The following NUDT17 variants were observed in gnomAD, a reference collection of about 807,000 sequenced individuals.
The protein encoded by NUDT17 is nudix hydrolase 17.
NUDT17 carries 38 observed loss-of-function variants against 38.6 expected under a neutral mutation model. That is an observed-to-expected ratio of 0.98 (90% CI 0.76 to 1.29). The LOEUF (loss-of-function observed/expected upper bound fraction) is 1.29. Among genes scored for constraint, NUDT17 ranks in the 50% most tolerant of loss-of-function variants. The pLI, the probability that NUDT17 is intolerant of heterozygous loss-of-function variation, is 0.00. For synonymous variants in NUDT17, 192 were observed against 167.8 expected (o/e 1.14, Z -1.11); for missense variants, 462 against 415.2 (o/e 1.11, Z -0.98).
At position 145,848,446 on chromosome 1, in the gene NUDT17, C is replaced by T. The variant is rs1553733298; in HGVS notation, c.954C>T (p.Asp318=). 5.0e-6 allele frequency: 8 copies of T among 1,613,966 alleles called. No homozygotes were observed. Among genetic ancestry groups the T allele is most frequent in the Admixed American group, 3.3e-5 (2 of 60,002 alleles). ...PGPAKEEWNM[D]PLPPNQGSGK is the part of the protein sequence containing the mutation. ...CAGCAAAGGAAGAATGGAACATGGA[C>T]CCTCTTCCCCCAAACCAGGGGTCTG... Residue 318 remains aspartate, a synonymous_variant, in exon 8 of 8, where the codon GAC becomes GAT. Coordinates refer to ENST00000334513, the MANE Select transcript of NUDT17 (RefSeq NM_001012758.3).
At position 145,846,717 on chromosome 1, in the gene NUDT17, C is replaced by T. The variant is rs964769810; in HGVS notation, c.495+27C>T. On this transcript the variant is annotated intron_variant, in intron 4 of 7. Coordinates refer to ENST00000334513, the MANE Select transcript of NUDT17 (RefSeq NM_001012758.3). ...TGAGACAAGTAGCTGGGAGAAGCTCCTCCATAGATCAGCCCCTACCTGCCT... is the reference window on the plus strand; with the variant it reads ...TGAGACAAGTAGCTGGGAGAAGCTCTTCCATAGATCAGCCCCTACCTGCCT... 3 of 1,475,594 alleles carry T rather than the reference C, an allele frequency of 2.0e-6. No homozygotes were observed. The African/African-American group carries it at 4.2e-5, about 20-fold the overall frequency. 91.4% of individuals were successfully genotyped at this position (1,475,594 alleles called of 1,614,324 possible). A position where few individuals can be genotyped will look rare whatever the true frequency, so the allele number is the denominator to read the frequency against.
Position 145,848,278 on chromosome 1 carries a change from A to C in NUDT17, c.884+14A>C. The stretch of plus-strand genomic sequence containing the variant: ...ACATCTGGGCAGGTAAAAGTGAAAA[A>C]GGACTGGAGAGCTCCACAGTACTGG... On this transcript the variant is annotated intron_variant, in intron 7 of 7. Transcript: ENST00000334513. The C allele has an allele frequency of 6.2e-7, 1 of 1,614,022 alleles. No individual in the cohort carries two copies. Among genetic ancestry groups the C allele is most frequent in the Non-Finnish European group, 8.5e-7 (1 of 1,179,866 alleles).
At position 145,847,666 on chromosome 1, in the gene NUDT17, G is replaced by C; in HGVS notation, c.678G>C (p.Glu226Asp). Residue 226 changes from glutamate to aspartate, a missense_variant, in exon 6 of 8, where the codon GAG (glutamate) becomes GAC (aspartate). Transcript: ENST00000334513. ...PDVAAAVAAA[E>D]DGTETPGLLP... ...TAGCTGCTGCAGTGGCTGCCGCAGA[G>C]GATGGGACAGAGACACCCGGACTTC... The C allele has an allele frequency of 6.2e-7, 1 of 1,614,086 alleles. No homozygotes were observed. Among genetic ancestry groups the C allele is most frequent in the Non-Finnish European group, 8.5e-7 (1 of 1,179,988 alleles).
rs782362864 is a variant in NUDT17 at position 145,847,575 on chromosome 1, G to A, written c.595-8G>A. 6.2e-7 allele frequency: 1 copy of A among 1,612,504 alleles called. No individual in the cohort carries two copies. Among genetic ancestry groups the A allele is most frequent in the South Asian group, 1.1e-5 (1 of 91,042 alleles). On this transcript the variant is annotated splice_region_variant and splice_polypyrimidine_tract_variant and intron_variant, in intron 5 of 7. Transcript: ENST00000334513. ...CAATGACTGAGGGGTCACCATGTCT[G>A]ACCCCAGGCCCGGATCCAACCAAAC...
chr1:145,847,447 CAG>C, intron 5 of NUDT17, 99 bp downstream of exon 5: 2 of 1,403,006 alleles, frequency 1.4e-6, no homozygotes, highest in Non-Finnish European at 2.0e-6. Flanking sequence ...CGGGGGTAGT[CAG>C]AGATAACGAA....
chr1:145,845,647 G>C lies in NUDT17; in HGVS notation c.7G>C (p.Glu3Gln). ...GCGACTCCAGAGTCGCGTTATGGCC[G>C]AGGTGCGGGTGCAGCTGCTCCTGTC... MA[E>Q]VRVQLLLSRR... The change falls in exon 1 of 8, where the codon GAG becomes CAG. Residue 3 changes from glutamate (E) to glutamine (Q), a missense_variant. By Grantham distance (29) the Glu-to-Gln change is conservative. Transcript: ENST00000334513. 1 of 1,516,630 alleles carries C rather than the reference G, an allele frequency of 6.6e-7. No individual in the cohort carries two copies. The highest frequency in any genetic ancestry group is 8.9e-7 in the Non-Finnish European group (1 of 1,123,688). 93.9% of individuals were successfully genotyped at this position (1,516,630 alleles called of 1,614,324 possible).
intron 6 of NUDT17, 95 bp downstream of exon 6, chr1:145,847,814 T>C (rs1273850754): frequency 1.5e-5 from 20 of 1,345,268 alleles, no homozygotes; most frequent in Non-Finnish European, 2.0e-5. Context: ...AATTTTGTGT[T>C]GTGGGGGAGA....
chr1:145,848,669 G>A lies in NUDT17; in HGVS notation c.*190G>A. On this transcript the variant is annotated 3_prime_UTR_variant, in exon 8 of 8. Transcript: ENST00000334513. Reference sequence around the variant, plus strand: ...AGGGTCCTTCCACCTCCCTGGAAAGGTGCAGAATGAGCCAGGCCTAACTAC... The same window carrying A: ...AGGGTCCTTCCACCTCCCTGGAAAGATGCAGAATGAGCCAGGCCTAACTAC... The A allele has an allele frequency of 1.7e-6, 1 of 576,522 alleles. No individual in the cohort carries two copies. The highest frequency in any genetic ancestry group is 2.9e-5 in the East Asian group (1 of 34,310). 35.7% of individuals were successfully genotyped at this position (576,522 alleles called of 1,614,324 possible). A position where few individuals can be genotyped will look rare whatever the true frequency, so the allele number is the denominator to read the frequency against.
chr1:145,846,219 C>A (rs1652660936), intron 2 of NUDT17, 23 bp downstream of exon 2: 1 of 1,564,944 alleles, frequency 6.4e-7, no homozygotes, highest in African/African-American at 1.4e-5. Flanking sequence ...GGGACAAGGC[C>A]CCAAGTACAG....
At position 145,848,744 on chromosome 1, in the gene NUDT17, C is replaced by T; in HGVS notation, c.*265C>T. ...AGGGGGGAATAAGAAACACTGTGAA[C>T]TTAGATATATAAATAGAGAGAGACC... On this transcript the variant is annotated 3_prime_UTR_variant, in exon 8 of 8. Transcript: ENST00000334513. 2.5e-6 allele frequency: 1 copy of T among 397,060 alleles called. No individual in the cohort carries two copies. The highest frequency in any genetic ancestry group is 4.0e-5 in the South Asian group (1 of 24,850). The allele number at this position is 397,060 out of a possible 1,614,324, so 24.6% of individuals were successfully genotyped here.
In NUDT17 at chr1:145,846,194, C is replaced by T. The variant is rs1553732444; in HGVS notation, c.374C>T (p.Pro125Leu). 3 of 1,582,972 alleles carry T rather than the reference C, an allele frequency of 1.9e-6. No homozygotes were observed. In the African/African-American group the frequency reaches 4.0e-5, roughly 21 times the overall value. ...GTTTCCCCCAACCTCTGGGTACCCC[C>T]GGGTGAGTATTCTGGGGACAAGGCC... ...LSVSPNLWVPPGGHVELEEEL... is the reference protein window; with the variant it reads ...LSVSPNLWVPLGGHVELEEEL... Residue 125 changes from proline (P) to leucine (L), a missense_variant and splice_region_variant, in exon 2 of 8, where the codon CCG becomes CTG. Physicochemically the swap from Pro to Leu is moderately conservative, Grantham distance 98. Transcript: ENST00000334513.
intron 4 of NUDT17, among the ~76,000 whole-genome samples, chr1:145,847,018 C>T (rs1212778654): frequency 2.6e-5 from 4 of 152,142 alleles, no homozygotes; most frequent in Admixed American, 1.3e-4. Flanking sequence ...ATGGCGAAAC[C>T]CCGTCTCTAC....
At position 145,848,720 on chromosome 1, in the gene NUDT17, G is replaced by GGGGGGAATAAGA. The variant is rs1652833280; in HGVS notation, c.*242_*253dup. On this transcript the variant is annotated 3_prime_UTR_variant, in exon 8 of 8. Coordinates refer to ENST00000334513, the MANE Select transcript of NUDT17 (RefSeq NM_001012758.3). Reference sequence around the variant, plus strand: ...AGGGCCATGAGCCTCTAGAAGCTTAGGGGGGAATAAGAAACACTGTGAACT... The same window carrying GGGGGGAATAAGA: ...AGGGCCATGAGCCTCTAGAAGCTTAGGGGGGAATAAGAGGGGGAATAAGAAACACTGTGAACT... 8.2e-6 allele frequency: 3 copies of GGGGGGAATAAGA among 364,228 alleles called. No individual in the cohort carries two copies. Among genetic ancestry groups the GGGGGGAATAAGA allele is most frequent in the Non-Finnish European group, 4.3e-6 (1 of 234,902 alleles). The allele number at this position is 364,228 out of a possible 1,614,324, so 22.6% of individuals were successfully genotyped here. A position where few individuals can be genotyped will look rare whatever the true frequency, so the allele number is the denominator to read the frequency against.
rs782252512 is a variant in NUDT17 at position 145,845,771 on chromosome 1, G to A, written c.131G>A (p.Arg44Gln). ...GTWPIHCSLK[R>Q]GRLVLSSRPF... ...TGGCCCATTCACTGCAGCTTGAAGCGAGGACGGCTTGTCCTCTCGAGCAGG... is the reference window on the plus strand; with the variant it reads ...TGGCCCATTCACTGCAGCTTGAAGCAAGGACGGCTTGTCCTCTCGAGCAGG... The change falls in exon 1 of 8, where the codon CGA becomes CAA. Residue 44 changes from arginine (R) to glutamine (Q), a missense_variant. By Grantham distance (43) the Arg-to-Gln change is conservative (BLOSUM62 1). Transcript: ENST00000334513. 7 of 1,588,086 alleles carry A rather than the reference G, an allele frequency of 4.4e-6. No individual in the cohort carries two copies. Among genetic ancestry groups the A allele is most frequent in the African/African-American group, 4.0e-5 (3 of 74,494 alleles).
rs368251563 is a variant in NUDT17 at position 145,847,296 on chromosome 1, A to G, written c.542A>G (p.His181Arg). 28 of 1,611,576 alleles carry G rather than the reference A, an allele frequency of 1.7e-5. No homozygotes were observed. The African/African-American group carries it at 3.3e-4, about 19-fold the overall frequency. The change falls in exon 5 of 8, where the codon CAC (histidine) becomes CGC (arginine). Residue 181 changes from histidine (H) to arginine (R), a missense_variant. Coordinates refer to ENST00000334513, the MANE Select transcript of NUDT17 (RefSeq NM_001012758.3). ...AGCTGGGGTTTACCCAAATACCATC[A>G]CATTGTTCTGTATCTACTCGTGATC... ...RLSWGLPKYHHIVLYLLVISQ... is the reference protein window; with the variant it reads ...RLSWGLPKYHRIVLYLLVISQ...
chr1:145,846,965 G>A (rs1448199199), intron 4 of NUDT17, among the ~76,000 whole-genome samples: 1 of 152,234 alleles, frequency 6.6e-6, no homozygotes, highest in East Asian at 1.9e-4. Flanking sequence ...GCTGAGGTGG[G>A]CGGATCACCT....
rs1358977264 is a variant in NUDT17, at chr1:145,846,699, A to AGG, written c.495+10_495+11insGG. ...CTCTGGGTTTATGGGAGGTGAGACA[A>AGG]GTAGCTGGGAGAAGCTCCTCCATAG... is the stretch of plus-strand genomic sequence containing the variant. On this transcript the variant is annotated intron_variant, in intron 4 of 7. Transcript: ENST00000334513. The AGG allele has an allele frequency of 8.2e-6, 13 of 1,581,480 alleles. No homozygotes were observed. The African/African-American group carries it at 1.8e-4, about 21-fold the overall frequency.
chr1:145,845,655 G>A lies in NUDT17; in HGVS notation c.15G>A (p.Arg5=), dbSNP rs1553731990. MAEV[R]VQLLLSRRPE... is the part of the protein sequence containing the mutation. ...AGAGTCGCGTTATGGCCGAGGTGCGGGTGCAGCTGCTCCTGTCCCGGCGTC... is the reference window on the plus strand; with the variant it reads ...AGAGTCGCGTTATGGCCGAGGTGCGAGTGCAGCTGCTCCTGTCCCGGCGTC... The change falls in exon 1 of 8, where the codon CGG becomes CGA. Residue 5 remains arginine, a synonymous_variant. Coordinates refer to ENST00000334513, the MANE Select transcript of NUDT17 (RefSeq NM_001012758.3). 6.6e-7 allele frequency: 1 copy of A among 1,523,020 alleles called. No individual in the cohort carries two copies. The highest frequency in any genetic ancestry group is 1.8e-4 in the Middle Eastern group (1 of 5,498). 94.3% of individuals were successfully genotyped at this position (1,523,020 alleles called of 1,614,324 possible).
At chr1:145,846,723 AG>A (rs1553732601) in intron 4 of NUDT17, 33 bp downstream of exon 4, 1 of 1,440,338 alleles carries the variant, frequency 6.9e-7, no homozygotes, top group South Asian at 1.1e-5. Context: ...GCTCCTCCAT[AG>A]ATCAGCCCCT....
Sources: allele counts gnomAD v4.1 joint callset (sites outside exome capture counted in the v4.1 genomes callset), GRCh38; gene constraint gnomAD v4.1.1; transcripts MANE v1.5; gene names NCBI Gene and HGNC (gene_info 2026-07-23, HGNC 2026-07-21).